The following IQCH variants were observed in gnomAD, a reference collection of about 807,000 sequenced individuals.
IQCH encodes the protein IQ domain-containing protein H.
A neutral mutation model predicts 117.0 loss-of-function variants in IQCH; 98 were observed. The ratio of observed to expected loss-of-function variants is 0.84; its 90% CI spans 0.71 to 0.99. The LOEUF is 0.99. IQCH is among the 50% of genes least tolerant of loss of function. The pLI is 0.00. For missense variants in IQCH, 1,102 were observed against 1,243.8 expected (o/e 0.89, Z 1.72); for synonymous variants, 412 against 448.2 (o/e 0.92, Z 1.02).
At chr15:67,266,234 A>C (rs964723604) in intron 3 of IQCH, among the ~76,000 whole-genome samples, 3 of 151,912 alleles carry the variant, frequency 2.0e-5, no homozygotes, top group Non-Finnish European at 4.4e-5. Context: ...TATTTTTAAA[A>C]ATTTTTAAAA....
At chr15:67,276,678 A>G (rs188997348) in intron 3 of IQCH, among the ~76,000 whole-genome samples, 93 of 152,224 alleles carry the variant, frequency 6.1e-4, no homozygotes, top group Non-Finnish European at 7.4e-5. Flanking sequence ...GTTTCTGAAA[A>G]AAAAAGTTCA....
intron 1 of IQCH, among the ~76,000 whole-genome samples, chr15:67,256,047 C>T (rs1463204503): frequency 2.6e-5 from 4 of 152,154 alleles, no homozygotes; most frequent in African/African-American, 9.7e-5. Flanking sequence ...CAGCTGGGTA[C>T]AAACTTAGGG....
intron 4 of IQCH, among the ~76,000 whole-genome samples, chr15:67,313,349 A>G (rs878877514): frequency 6.6e-6 from 1 of 152,138 alleles, no homozygotes; most frequent in Non-Finnish European, 1.5e-5. Context: ...TCTAAAGACA[A>G]ATTCTTTATC....
rs1169536511 is a variant in IQCH at position 67,390,481 on chromosome 15, TAC to T, written c.1632+1477_1632+1478del. ...ACTAACATTTTTCAAATTCTTAGCA[TAC>T]AGTTTCTTTTTTTCTTTTTTTTTGA... On this transcript the variant is annotated intron_variant, in intron 12 of 20. Coordinates refer to ENST00000335894, the MANE Select transcript of IQCH (RefSeq NM_001031715.3). This position sits in a 1 kb window ranked among gnomAD's most constrained non-coding sequence, Gnocchi z 5.0. Among the ~76,000 whole-genome samples, 2 of 152,056 alleles carry T rather than the reference TAC, an allele frequency of 1.3e-5. No individual in the cohort carries two copies. The highest frequency in any genetic ancestry group is 4.8e-5 in the African/African-American group (2 of 41,418).
At chr15:67,423,332 G>A (rs921910948) in intron 16 of IQCH, among the ~76,000 whole-genome samples, 1 of 152,046 alleles carries the variant, frequency 6.6e-6, no homozygotes, top group Non-Finnish European at 1.5e-5. Flanking sequence ...TTGGGAGGCC[G>A]AAGCAGGCAG....
intron 10 of IQCH, among the ~76,000 whole-genome samples, chr15:67,377,724 A>G (rs1430718095): frequency 6.6e-6 from 1 of 152,166 alleles, no homozygotes; most frequent in Non-Finnish European, 1.5e-5. Flanking sequence ...TTAAACCCCC[A>G]GGGATGAGTT....
At chr15:67,371,579 T>C (rs1468184271) in intron 8 of IQCH, 1 of 1,156,862 alleles carries the variant, frequency 8.6e-7, no homozygotes, top group Non-Finnish European at 1.3e-6. Flanking sequence ...GACCTCTGGA[T>C]ATTAAGAGAA....
At chr15:67,262,585 TA>T (rs892986416) in intron 2 of IQCH, among the ~76,000 whole-genome samples, 1 of 151,928 alleles carries the variant, frequency 6.6e-6, no homozygotes, top group Non-Finnish European at 1.5e-5. Context: ...GAAGTCCCTG[TA>T]AAAAAAAGAC....
rs185063893 is a variant in IQCH, at chr15:67,449,749, C to T, written c.2506-15378C>T. Among the ~76,000 whole-genome samples the T allele has an allele frequency of 2.0e-3, 298 of 152,156 alleles. 1 individual carries two copies. Among genetic ancestry groups the T allele is most frequent in the Non-Finnish European group, 2.8e-3 (191 of 67,988 alleles). On this transcript the variant is annotated intron_variant, in intron 16 of 20. Transcript: ENST00000335894. The stretch of plus-strand genomic sequence containing the variant: ...ATATGAACTTTAAAGTAGTTTTTTC[C>T]AATTCTGTGAAGAAAGTCATTGGTA...
intron 12 of IQCH, among the ~76,000 whole-genome samples, chr15:67,392,116 C>T (rs1971305313): frequency 6.6e-6 from 1 of 152,158 alleles, no homozygotes; most frequent in African/African-American, 2.4e-5. Context: ...GAGCAAATCA[C>T]TTGAGGCTCA....
At chr15:67,275,079 C>T (rs1966067733) in intron 3 of IQCH, among the ~76,000 whole-genome samples, 1 of 152,148 alleles carries the variant, frequency 6.6e-6, no homozygotes. Flanking sequence ...AGTTACAGAG[C>T]AGAATATCTA....
intron 16 of IQCH, among the ~76,000 whole-genome samples, chr15:67,435,807 G>T (rs1162455903): frequency 2.6e-5 from 4 of 151,976 alleles, no homozygotes; most frequent in African/African-American, 9.7e-5. Context: ...AGGAGGCAGA[G>T]GTTGTAGTGA....
At chr15:67,275,185 G>A (rs1402434586) in intron 3 of IQCH, among the ~76,000 whole-genome samples, 1 of 152,224 alleles carries the variant, frequency 6.6e-6, no homozygotes, top group African/African-American at 2.4e-5. Flanking sequence ...CATGGGTTGA[G>A]GTAGGGACAG....
At chr15:67,316,178 C>T (rs1210688586) in intron 4 of IQCH, among the ~76,000 whole-genome samples, 1 of 152,090 alleles carries the variant, frequency 6.6e-6, no homozygotes, top group Non-Finnish European at 1.5e-5. Flanking sequence ...CCAAAATGCC[C>T]TTTTCCATTT....
Position 67,447,668 on chromosome 15 carries a change from A to C in IQCH, c.2506-17459A>C, listed in dbSNP as rs2082421261. Among the ~76,000 whole-genome samples, 1 of 152,038 alleles carries C rather than the reference A, an allele frequency of 6.6e-6. No homozygotes were observed. Among genetic ancestry groups the C allele is most frequent in the East Asian group, 1.9e-4 (1 of 5,182 alleles). On this transcript the variant is annotated intron_variant, in intron 16 of 20. Transcript: ENST00000335894. The surrounding 1 kb of genome is among the most constrained non-coding windows in gnomAD (Gnocchi z 5.3). ...GGGGTGAGCAACTGGAGGACAGGAG[A>C]AGGTGGAAACATCTGGGACAAAGCT...
intron 4 of IQCH, among the ~76,000 whole-genome samples, chr15:67,331,311 A>G (rs1033830818): frequency 6.6e-6 from 1 of 152,168 alleles, no homozygotes; most frequent in Non-Finnish European, 1.5e-5. Flanking sequence ...TACAACTTAA[A>G]GAGAACATAA....
rs991899779 is a variant in IQCH at position 67,494,435 on chromosome 15, T to C, written c.2970+69T>C. On this transcript the variant is annotated intron_variant, in intron 20 of 20. Coordinates refer to ENST00000335894, the MANE Select transcript of IQCH (RefSeq NM_001031715.3). The surrounding 1 kb of genome is among the most constrained non-coding windows in gnomAD (Gnocchi z 5.5). Reference sequence around the variant, plus strand: ...AGGGCTGAAAATACCTCATGCTGTATTGTAAACAAGTGCTAAACCATCTTT... The same window carrying C: ...AGGGCTGAAAATACCTCATGCTGTACTGTAAACAAGTGCTAAACCATCTTT... The C allele has an allele frequency of 9.4e-7, 1 of 1,062,440 alleles. No individual in the cohort carries two copies. The highest frequency in any genetic ancestry group is 1.4e-6 in the Non-Finnish European group (1 of 708,518). The allele number at this position is 1,062,440 out of a possible 1,614,324, so 65.8% of individuals were successfully genotyped here. A position where few individuals can be genotyped will look rare whatever the true frequency, so the allele number is the denominator to read the frequency against.
intron 5 of IQCH, among the ~76,000 whole-genome samples, chr15:67,340,710 A>G (rs1320467315): frequency 6.6e-6 from 1 of 152,158 alleles, no homozygotes; most frequent in Non-Finnish European, 1.5e-5. Flanking sequence ...AATTTTATGA[A>G]TATTCAATTT....
intron 16 of IQCH, among the ~76,000 whole-genome samples, chr15:67,438,957 T>C (rs1341460444): frequency 6.6e-6 from 1 of 152,156 alleles, no homozygotes. Context: ...GCAATAATAG[T>C]TGGGGACTTC....
Sources: gnomAD v4.1 joint callset for allele counts (sites outside exome capture counted in the v4.1 genomes callset) on GRCh38, gnomAD v4.1.1 for gene constraint, Gnocchi (gnomAD v3.1) non-coding constraint, MANE v1.5 for transcripts, NCBI Gene and HGNC (gene_info 2026-07-23, HGNC 2026-07-21) for gene names.